The following HEMK2 variants were observed in gnomAD, a reference collection of about 807,000 sequenced individuals.
HEMK2 encodes HemK methyltransferase 2, ETF1 glutamine and histone H4 lysine.
chr21:28,667,743 C>A, the HEMK2 span, among the ~76,000 whole-genome samples: 1 of 152,102 alleles, frequency 6.6e-6, no homozygotes, highest in Non-Finnish European at 1.5e-5. Flanking sequence ...GTCAAGGAAA[C>A]AAGTTCTGAA....
the HEMK2 span, among the ~76,000 whole-genome samples, chr21:28,778,167 C>T: frequency 8.6e-3 from 1,317 of 152,300 alleles, 24 homozygotes; most frequent in African/African-American, 0.031. Context: ...TTAGGCTATC[C>T]TCCAATTCTA....
the HEMK2 span, among the ~76,000 whole-genome samples, chr21:28,680,223 C>T: frequency 0.014 from 2,068 of 152,182 alleles, 28 homozygotes; most frequent in Non-Finnish European, 0.022. Flanking sequence ...GGGGATATCA[C>T]CATCAATCCC....
the HEMK2 span, among the ~76,000 whole-genome samples, chr21:28,722,437 T>A: frequency 6.6e-6 from 1 of 152,250 alleles, no homozygotes; most frequent in Non-Finnish European, 1.5e-5. Flanking sequence ...CAAAACTGCT[T>A]AAGCTGACCA....
At chr21:28,615,878 G>A in the HEMK2 span, among the ~76,000 whole-genome samples, 15,652 of 152,246 alleles carry the variant, frequency 0.1, 947 homozygotes, top group Middle Eastern at 0.17. Flanking sequence ...GTGATCTCCA[G>A]AGTGGGGTAG....
the HEMK2 span, among the ~76,000 whole-genome samples, chr21:28,840,713 G>T: frequency 6.6e-6 from 1 of 151,894 alleles, no homozygotes; most frequent in African/African-American, 2.4e-5. Flanking sequence ...TACTAGAATG[G>T]ATGCAGTGAA....
the HEMK2 span, among the ~76,000 whole-genome samples, chr21:28,625,457 A>G: frequency 6.6e-6 from 1 of 152,204 alleles, no homozygotes; most frequent in Non-Finnish European, 1.5e-5. Context: ...TTGGTGGCTC[A>G]TGCCTGGAAT....
the HEMK2 span, among the ~76,000 whole-genome samples, chr21:28,628,694 T>C: frequency 4.6e-5 from 7 of 152,340 alleles, no homozygotes; most frequent in East Asian, 7.7e-4. Context: ...CCTCAGGTGA[T>C]TGGCCCACCT....
chr21:28,591,197 C>T, the HEMK2 span, among the ~76,000 whole-genome samples: 454 of 152,286 alleles, frequency 3.0e-3, 4 homozygotes, highest in African/African-American at 0.011. Context: ...GTGACCAGAT[C>T]ACATTACATA....
At chr21:28,776,034 C>T in the HEMK2 span, among the ~76,000 whole-genome samples, 5 of 151,808 alleles carry the variant, frequency 3.3e-5, no homozygotes, top group South Asian at 8.3e-4. Context: ...AGAAAAGGAT[C>T]CTGCAGAGGA....
the HEMK2 span, among the ~76,000 whole-genome samples, chr21:28,808,356 T>C: frequency 1.3e-5 from 2 of 151,248 alleles, no homozygotes; most frequent in African/African-American, 4.9e-5. Flanking sequence ...TGAAATGTTC[T>C]AGATCCCTTG....
chr21:28,655,790 T>C, the HEMK2 span, among the ~76,000 whole-genome samples: 1 of 152,152 alleles, frequency 6.6e-6, no homozygotes, highest in Non-Finnish European at 1.5e-5. Context: ...ACATACTGGA[T>C]ACTCAATGAC....
the HEMK2 span, among the ~76,000 whole-genome samples, chr21:28,693,250 A>G: frequency 2.6e-5 from 4 of 152,226 alleles, no homozygotes; most frequent in Non-Finnish European, 2.9e-5. Flanking sequence ...AGCTCTATAC[A>G]GATGAGAACA....
the HEMK2 span, among the ~76,000 whole-genome samples, chr21:28,856,316 G>A: frequency 6.6e-6 from 1 of 152,008 alleles, no homozygotes; most frequent in African/African-American, 2.4e-5. Flanking sequence ...TTGGGAGGCT[G>A]AAGCAGGAGA....
chr21:28,773,056 A>T, the HEMK2 span, among the ~76,000 whole-genome samples: 1 of 152,192 alleles, frequency 6.6e-6, no homozygotes, highest in African/African-American at 2.4e-5. Flanking sequence ...GCTCATTTTA[A>T]TAATTACATG....
chr21:28,809,912 G>A, the HEMK2 span, among the ~76,000 whole-genome samples: 509 of 152,220 alleles, frequency 3.3e-3, 2 homozygotes, highest in Middle Eastern at 0.014. Context: ...TCCAAACCTT[G>A]TAAGGTTATC....
At chr21:28,873,052 T>C in the HEMK2 span, 26,177 of 152,198 alleles carry the variant, frequency 0.17, 2,349 homozygotes, top group South Asian at 0.23. Flanking sequence ...TAAACATCTC[T>C]TTAAACCATA....
At chr21:28,660,808 A>G in the HEMK2 span, among the ~76,000 whole-genome samples, 1 of 152,072 alleles carries the variant, frequency 6.6e-6, no homozygotes, top group African/African-American at 2.4e-5. Flanking sequence ...GAATTTGTAA[A>G]TGATGGCCAT....
At chr21:28,609,343 G>A in the HEMK2 span, among the ~76,000 whole-genome samples, 1 of 152,126 alleles carries the variant, frequency 6.6e-6, no homozygotes, top group African/African-American at 2.4e-5. Flanking sequence ...ACCCCTAGGG[G>A]AAAGAGGAGA....
chr21:28,794,481 A>T, the HEMK2 span, among the ~76,000 whole-genome samples: 2 of 152,264 alleles, frequency 1.3e-5, no homozygotes, highest in Non-Finnish European at 2.9e-5. Context: ...TTTGGAAGGT[A>T]TGCAAACACT....
Sources: gnomAD v4.1 joint callset for allele counts (sites outside exome capture counted in the v4.1 genomes callset) on GRCh38, gnomAD v4.1.1 for gene constraint, MANE v1.5 for transcripts, NCBI Gene and HGNC (gene_info 2026-07-23, HGNC 2026-07-21) for gene names.